Variants in KMT2D observed in about 807,000 individuals in gnomAD.
KMT2D encodes histone-lysine N-methyltransferase 2D.
In KMT2D, 55 loss-of-function variants were observed where a neutral mutation model predicts 512.7. The observed-to-expected ratio is 0.11, with a 90% confidence interval of 0.09 to 0.13. KMT2D has a LOEUF of 0.13. KMT2D is among the 10% of genes least tolerant of loss of function. The pLI is 1.00. For synonymous variants in KMT2D, 2,995 were observed against 2,904.0 expected, an observed-to-expected ratio of 1.03 and a Z score of -1.01; for missense variants, 6,061 against 7,127.9, an observed-to-expected ratio of 0.85 and a Z score of 5.39.
Position 49,026,327 on chromosome 12 carries a change from C to T in KMT2D, c.15639G>A (p.Thr5213=), listed in dbSNP as rs764964455. ...TALYPVGYEA[T]RIYWSLRTNN... ...TGGTGCGGAGGCTCCAATAGATGCGCGTGGCCTCGTAGCCCACGGGATAGA... is the reference window on the plus strand; with the variant it reads ...TGGTGCGGAGGCTCCAATAGATGCGTGTGGCCTCGTAGCCCACGGGATAGA... The change falls in exon 49 of 55, where the codon ACG becomes ACA. Residue 5213 remains threonine, a synonymous_variant. Transcript: ENST00000301067. This position sits in a 1 kb window ranked among gnomAD's most constrained non-coding sequence, Gnocchi z 9.6. The T allele has an allele frequency of 2.4e-5, 38 of 1,611,894 alleles. No individual in the cohort carries two copies. The Middle Eastern group carries it at 4.9e-4, about 21-fold the overall frequency.
chr12:49,032,383 G>A lies in KMT2D; in HGVS notation c.12322C>T (p.Leu4108Phe). 6.2e-7 allele frequency: 1 copy of A among 1,609,650 alleles called. No individual in the cohort carries two copies. Among genetic ancestry groups the A allele is most frequent in the Non-Finnish European group, 8.5e-7 (1 of 1,177,918 alleles). The change falls in exon 40 of 55, where the codon CTC (leucine) becomes TTC (phenylalanine). Residue 4108 changes from leucine (L) to phenylalanine (F), a missense_variant. Physicochemically the swap from Leu to Phe is conservative, Grantham distance 22. Around this residue, in one of 16 missense-constraint regions of KMT2D, gnomAD observed 1,600 missense variants for 1,754.9 expected, o/e 0.91. Transcript: ENST00000301067. ...TGGCTTCCTCCACCTGCTGTGTGGA[G>A]CAGGCTAACTTGCTGCTGCTGTTGT... ...PGQQQQQVSL[L>F]HTAGGGSHGQ... is the part of the protein sequence containing the mutation.
Position 49,037,500 on chromosome 12 carries a change from G to C in KMT2D, c.9856C>G (p.Leu3286Val), listed in dbSNP as rs1477901472. The C allele has an allele frequency of 6.4e-7, 1 of 1,558,022 alleles. No homozygotes were observed. The highest frequency in any genetic ancestry group is 1.4e-5 in the African/African-American group (1 of 73,346). Residue 3286 changes from leucine to valine, a missense_variant, in exon 35 of 55, where the codon CTG becomes GTG. Leu to Val is a conservative substitution (Grantham distance 32). Coordinates refer to ENST00000301067, the MANE Select transcript of KMT2D (RefSeq NM_003482.4). The part of the protein sequence containing the change: ...QQQQQQQHSL[L>V]SAPGPAQAMS... ...GCCTGGGCAGGGCCTGGTGCAGACAGTAGGGAATGCTGCTGCTGCTGTTGC... is the reference window on the plus strand; with the variant it reads ...GCCTGGGCAGGGCCTGGTGCAGACACTAGGGAATGCTGCTGCTGCTGTTGC...
chr12:49,053,522 G>A lies in KMT2D; in HGVS notation c.793C>T (p.Arg265Cys), dbSNP rs766543419. 158 of 1,606,430 alleles carry A rather than the reference G, an allele frequency of 9.8e-5. No homozygotes were observed. Among genetic ancestry groups the A allele is most frequent in the Non-Finnish European group, 1.2e-4 (141 of 1,176,424 alleles). ...CATTCAGGGCACTGCCAGCCAGCAC[G>A]TTTGCGGGCAGTCAGAGCAGTGTCC... ...CLDTALTARK[R>C]AGWQCPECKV... is the part of the protein sequence containing the mutation. Residue 265 changes from arginine (R) to cysteine (C), a missense_variant, in exon 7 of 55, where the codon CGT becomes TGT. Arg to Cys is a radical substitution (Grantham distance 180, BLOSUM62 -3). Around this residue, in one of 16 missense-constraint regions of KMT2D, gnomAD observed 160 missense variants for 225.8 expected, o/e 0.71. Transcript: ENST00000301067.
chr12:49,031,660 G>C lies in KMT2D; in HGVS notation c.13045C>G (p.Pro4349Ala), dbSNP rs181733689. ...CTCCCAGGAGGCGGCTCCAAGGTTG[G>C]CCCCTGAGGTTTGGGGGTCCCTGGA... ...THPGTPKPQG[P>A]TLEPPPGRVS... Residue 4349 changes from proline (P) to alanine (A), a missense_variant, in exon 40 of 55, where the codon CCA becomes GCA. Physicochemically the swap from Pro to Ala is conservative, Grantham distance 27. Transcript: ENST00000301067. 1,421 of 1,609,196 alleles carry C rather than the reference G, an allele frequency of 8.8e-4. 9 individuals are homozygous for C. In the African/African-American group the frequency reaches 0.017, roughly 19 times the overall value.
intron 43 of KMT2D, 123 bp downstream of exon 43, chr12:49,030,157 G>T (rs1316118517): frequency 6.5e-6 from 5 of 767,062 alleles, no homozygotes; most frequent in Non-Finnish European, 1.0e-5. Flanking sequence ...TACCTCAGGT[G>T]CCCTGTTATG....
chr12:49,039,976 G>A lies in KMT2D; in HGVS notation c.7794C>T (p.Ser2598=), dbSNP rs368824617. 3.2e-5 allele frequency: 52 copies of A among 1,613,632 alleles called. No homozygotes were observed. The highest frequency in any genetic ancestry group is 3.8e-5 in the Non-Finnish European group (45 of 1,179,786). The part of the protein sequence containing the change: ...HPSGSPLGPS[S]GSTGESYGLS... ...GCCCATAGCTCTCCCCTGTGGACCC[G>A]CTGCTGGGCCCCAGGGGGCTGCCCG... The change falls in exon 32 of 55, where the codon AGC becomes AGT. Residue 2598 remains serine (S), a synonymous_variant. Transcript: ENST00000301067. This position sits in a 1 kb window ranked among gnomAD's most constrained non-coding sequence, Gnocchi z 5.0.
In KMT2D at chr12:49,024,782, G is replaced by A. The variant is rs751036664; in HGVS notation, c.15921+28C>T. On this transcript the variant is annotated intron_variant, in intron 50 of 54. Coordinates refer to ENST00000301067, the MANE Select transcript of KMT2D (RefSeq NM_003482.4). This position sits in a 1 kb window ranked among gnomAD's most constrained non-coding sequence, Gnocchi z 4.5. ...GGCCAAAGTTCTCAGTGCCCGCCAA[G>A]CCCCCCAGCTCCCAGCCCCTTCCTT... is the stretch of plus-strand genomic sequence containing the variant. The A allele has an allele frequency of 6.8e-6, 11 of 1,608,964 alleles. No homozygotes were observed. Among genetic ancestry groups the A allele is most frequent in the African/African-American group, 4.0e-5 (3 of 74,896 alleles).
chr12:49,022,187 C>T lies in KMT2D; in HGVS notation c.16413-36G>A. On this transcript the variant is annotated intron_variant, in intron 53 of 54. Transcript: ENST00000301067. This position sits in a 1 kb window ranked among gnomAD's most constrained non-coding sequence, Gnocchi z 8.6. ...GGACAGAGTCAGGGATGTCAGGCAA[C>T]TAACTTGGGACAATTTTGATTCCTT... 1.2e-6 allele frequency: 2 copies of T among 1,607,420 alleles called. No homozygotes were observed. The highest frequency in any genetic ancestry group is 4.5e-5 in the East Asian group (2 of 44,830).
In KMT2D at chr12:49,022,837, T is replaced by C; in HGVS notation, c.16091A>G (p.Tyr5364Cys). The change falls in exon 52 of 55, where the codon TAT becomes TGT. Residue 5364 changes from tyrosine (Y) to cysteine (C), a missense_variant. Physicochemically the swap from Tyr to Cys is radical, Grantham distance 194. This residue lies in a region of KMT2D where 261 missense variants were observed against 440.7 expected (regional missense o/e 0.59). Coordinates refer to ENST00000301067, the MANE Select transcript of KMT2D (RefSeq NM_003482.4). This position sits in a 1 kb window ranked among gnomAD's most constrained non-coding sequence, Gnocchi z 8.6. ...TLNSTSMSKA[Y>C]QSTFTGETNT... ...GGTCTCGCCTGTGAAGGTGCTCTGATATGCCTTAGACATGCTGGTGCTGTT... is the reference window on the plus strand; with the variant it reads ...GGTCTCGCCTGTGAAGGTGCTCTGACATGCCTTAGACATGCTGGTGCTGTT... The C allele has an allele frequency of 6.2e-7, 1 of 1,612,692 alleles. No homozygotes were observed.
rs1180567130 is a variant in KMT2D at position 49,037,122 on chromosome 12, T to C, written c.10231+3A>G. The C allele has an allele frequency of 5.8e-6, 9 of 1,561,690 alleles. No individual in the cohort carries two copies. The highest frequency in any genetic ancestry group is 7.8e-6 in the Non-Finnish European group (9 of 1,148,592). On this transcript the variant is annotated splice_donor_region_variant and intron_variant, in intron 35 of 54. Transcript: ENST00000301067. ...ACTTGGCTATGTTACCAGCTGAGGT[T>C]ACCTGTATCTGGGAAGAAGCTGTTT...
Position 49,026,324 on chromosome 12 carries a change from G to A in KMT2D, c.15642C>T (p.Arg5214=), listed in dbSNP as rs2137715380. ...TGTTGGTGCGGAGGCTCCAATAGAT[G>A]CGCGTGGCCTCGTAGCCCACGGGAT... ...ALYPVGYEAT[R]IYWSLRTNNR... is the part of the protein sequence containing the mutation. Residue 5214 remains arginine, a synonymous_variant, in exon 49 of 55, where the codon CGC becomes CGT. Transcript: ENST00000301067. This position sits in a 1 kb window ranked among gnomAD's most constrained non-coding sequence, Gnocchi z 9.6. The A allele has an allele frequency of 5.6e-6, 9 of 1,611,912 alleles. No individual in the cohort carries two copies. Among genetic ancestry groups the A allele is most frequent in the Non-Finnish European group, 7.6e-6 (9 of 1,178,096 alleles).
In KMT2D at chr12:49,040,581, C is replaced by T. The variant is rs1414433258; in HGVS notation, c.7189G>A (p.Ala2397Thr). The T allele has an allele frequency of 5.0e-6, 8 of 1,613,018 alleles. No individual in the cohort carries two copies. The highest frequency in any genetic ancestry group is 6.8e-6 in the Non-Finnish European group (8 of 1,179,554). Residue 2397 changes from alanine to threonine, a missense_variant, in exon 32 of 55, where the codon GCT (alanine) becomes ACT (threonine). Ala to Thr is a moderately conservative substitution (Grantham distance 58, BLOSUM62 0). Transcript: ENST00000301067. ...GAGGGCAGTGAGCGAGGGGGCAGAGCACAGCAGCTCTCAGGGGGCGGAGGT... is the reference window on the plus strand; with the variant it reads ...GAGGGCAGTGAGCGAGGGGGCAGAGTACAGCAGCTCTCAGGGGGCGGAGGT... ...PQPPPPESCC[A>T]LPPRSLPSDP...
At position 49,043,345 on chromosome 12, in the gene KMT2D, A is replaced by G. The variant is rs2120566984; in HGVS notation, c.5533+18T>C. 1 of 1,613,262 alleles carries G rather than the reference A, an allele frequency of 6.2e-7. No homozygotes were observed. Among genetic ancestry groups the G allele is most frequent in the Non-Finnish European group, 8.5e-7 (1 of 1,179,212 alleles). ...AAGCAAGGCCAAGACAGGACACAGT[A>G]ACCCCGGCAGCCCTCACCTGGTGTA... is the stretch of plus-strand genomic sequence containing the variant. On this transcript the variant is annotated intron_variant, in intron 25 of 54. Transcript: ENST00000301067.
Position 49,021,068 on chromosome 12 carries a change from T to C in KMT2D, c.*712A>G, listed in dbSNP as rs1942302603. ...TAGGGGGCTTGGAGAGGGTCTCACA[T>C]TTCAAAACAGCAAAAAATCCAACAC... On this transcript the variant is annotated 3_prime_UTR_variant, in exon 55 of 55. Transcript: ENST00000301067. 1 of 198,124 alleles carries C rather than the reference T, an allele frequency of 5.0e-6. No homozygotes were observed. Among genetic ancestry groups the C allele is most frequent in the African/African-American group, 2.3e-5 (1 of 43,256 alleles). 12.3% of individuals were successfully genotyped at this position (198,124 alleles called of 1,614,324 possible).
intron 1 of KMT2D, among the ~76,000 whole-genome samples, chr12:49,056,731 C>T (rs775682595): frequency 3.3e-5 from 5 of 152,186 alleles, no homozygotes; most frequent in African/African-American, 4.8e-5. Flanking sequence ...AAGGACAGCC[C>T]GTCCTCCCAA....
In KMT2D at chr12:49,051,236, G is replaced by A. The variant is rs371112744; in HGVS notation, c.2447C>T (p.Ser816Phe). The A allele has an allele frequency of 2.0e-6, 3 of 1,525,932 alleles. No individual in the cohort carries two copies. Among genetic ancestry groups the A allele is most frequent in the Non-Finnish European group, 2.6e-6 (3 of 1,134,002 alleles). The allele number at this position is 1,525,932 out of a possible 1,614,324, so 94.5% of individuals were successfully genotyped here. The change falls in exon 11 of 55, where the codon TCT (serine) becomes TTT (phenylalanine). Residue 816 changes from serine (S) to phenylalanine (F), a missense_variant. Ser to Phe is a radical substitution (Grantham distance 155). Around this residue, in one of 16 missense-constraint regions of KMT2D, gnomAD observed 848 missense variants for 838.5 expected, o/e 1.01. Transcript: ENST00000301067. ...CAAGCATGGCTCCTCAGGCACAGGAGACAGGTGCGGCTCCTCAGTCTGGGG... is the reference window on the plus strand; with the variant it reads ...CAAGCATGGCTCCTCAGGCACAGGAAACAGGTGCGGCTCCTCAGTCTGGGG... ...LSPQTEEPHL[S>F]PVPEEPCLSP... is the part of the protein sequence containing the mutation.
In KMT2D at chr12:49,052,307, G is replaced by A. The variant is rs758601882; in HGVS notation, c.1376C>T (p.Ser459Phe). The change falls in exon 11 of 55, where the codon TCC (serine) becomes TTC (phenylalanine). Residue 459 changes from serine (S) to phenylalanine (F), a missense_variant. Physicochemically the swap from Ser to Phe is radical, Grantham distance 155. Coordinates refer to ENST00000301067, the MANE Select transcript of KMT2D (RefSeq NM_003482.4). The stretch of plus-strand genomic sequence containing the variant: ...CAGGCGTGATGCCTCAGGTGGTGGG[G>A]ACGTGGGTGATTCCTCAGGTGGTGG... ...LSPPPEESPTSPPPEASRLSP... is the reference protein window; with the variant it reads ...LSPPPEESPTFPPPEASRLSP... 1.3e-6 allele frequency: 2 copies of A among 1,587,050 alleles called. No individual in the cohort carries two copies. Among genetic ancestry groups the A allele is most frequent in the Non-Finnish European group, 1.7e-6 (2 of 1,164,806 alleles).
rs1943297548 is a variant in KMT2D at position 49,037,833 on chromosome 12, T to G, written c.9523A>C (p.Ser3175Arg). The G allele has an allele frequency of 6.3e-7, 1 of 1,597,252 alleles. No individual in the cohort carries two copies. Among genetic ancestry groups the G allele is most frequent in the Admixed American group, 1.7e-5 (1 of 57,616 alleles). The change falls in exon 35 of 55, where the codon AGC (serine) becomes CGC (arginine). Residue 3175 changes from serine (S) to arginine (R), a missense_variant. By Grantham distance (110) the Ser-to-Arg change is moderately radical. Around this residue, in one of 16 missense-constraint regions of KMT2D, gnomAD observed 533 missense variants for 539.6 expected, o/e 0.99. Coordinates refer to ENST00000301067, the MANE Select transcript of KMT2D (RefSeq NM_003482.4). ...DTRMGTGPFS[S>R]SGHTAEKASF... ...GCCTTCTCAGCTGTGTGCCCACTGC[T>G]AGAAAATGGCCCTGTGCCCATCCGG...
At position 49,028,875 on chromosome 12, in the gene KMT2D, C is replaced by T; in HGVS notation, c.14335G>A (p.Gly4779Arg). The T allele has an allele frequency of 6.2e-7, 1 of 1,614,058 alleles. No individual in the cohort carries two copies. The highest frequency in any genetic ancestry group is 8.5e-7 in the Non-Finnish European group (1 of 1,179,902). ...LPVTTWEKGK[G>R]SEVSVMLTVS... ...GTGAGCATGACTGACACCTCACTTCCTTTGCCCTTTTCCCAAGTTGTGACA... is the reference window on the plus strand; with the variant it reads ...GTGAGCATGACTGACACCTCACTTCTTTTGCCCTTTTCCCAAGTTGTGACA... Residue 4779 changes from glycine (G) to arginine (R), a missense_variant, in exon 46 of 55, where the codon GGA (glycine) becomes AGA (arginine). By Grantham distance (125) the Gly-to-Arg change is moderately radical. Coordinates refer to ENST00000301067, the MANE Select transcript of KMT2D (RefSeq NM_003482.4).
Sources: allele counts gnomAD v4.1 joint callset (sites outside exome capture counted in the v4.1 genomes callset), GRCh38; gene constraint gnomAD v4.1.1; regional missense constraint gnomAD v4.1.1; non-coding constraint Gnocchi (gnomAD v3.1); transcripts MANE v1.5; gene names NCBI Gene and HGNC (gene_info 2026-07-23, HGNC 2026-07-21).